Variants in WNK3 observed in about 807,000 individuals in gnomAD.
WNK3 encodes the protein serine/threonine-protein kinase WNK3.
WNK3 carries 18 observed loss-of-function variants against 116.7 expected under a neutral mutation model. The observed-to-expected ratio is 0.15, with a 90% CI of 0.11 to 0.23. The LOEUF (loss-of-function observed/expected upper bound fraction) is 0.23. Ranked by LOEUF, WNK3 falls within the 10% of genes least tolerant of loss-of-function variation. The pLI is 1.00. For missense variants in WNK3, 993 were observed against 1,323.8 expected, an observed-to-expected ratio of 0.75 and a Z score of 3.88; for synonymous variants, 404 against 469.4, an observed-to-expected ratio of 0.86 and a Z score of 1.80.
At chrX:54,226,168 T>C (rs1243450511) in intron 22 of WNK3, among the ~76,000 whole-genome samples, 2 of 101,316 alleles carry the variant, frequency 2.0e-5, no homozygotes, top group Non-Finnish European at 4.0e-5. Flanking sequence ...TAACTCATAA[T>C]GGATCAAAGA....
chrX:54,314,200 A>C (rs1244232366), intron 2 of WNK3, among the ~76,000 whole-genome samples: 15 of 107,718 alleles, frequency 1.4e-4, no homozygotes, highest in East Asian at 8.8e-4. Flanking sequence ...CTCAAAAAAA[A>C]AAACAAAAAA....
chrX:54,248,444 A>T lies in WNK3; in HGVS notation c.3651+253T>A, dbSNP rs1055065120. Among the ~76,000 whole-genome samples the T allele has an allele frequency of 2.7e-5, 3 of 111,221 alleles. No homozygotes were observed. The Admixed American group carries it at 2.9e-4, about 11-fold the overall frequency. On this transcript the variant is annotated intron_variant, in intron 17 of 23. Coordinates refer to ENST00000354646, the Ensembl canonical transcript of WNK3. Reference sequence around the variant, plus strand: ...TGAGTCAGTTTTCATTCTGTCATTAATACAAATATAGACACTGCTTGCAAG... The same window carrying T: ...TGAGTCAGTTTTCATTCTGTCATTATTACAAATATAGACACTGCTTGCAAG...
intron 10 of WNK3, among the ~76,000 whole-genome samples, chrX:54,276,169 G>A (rs1388079884): frequency 9.1e-6 from 1 of 110,044 alleles, no homozygotes; most frequent in Non-Finnish European, 1.9e-5. Flanking sequence ...GCAGAAACTC[G>A]TCTCTACTAA....
At position 54,305,180 on chromosome X, in the gene WNK3, A is replaced by G. The variant is rs182046335; in HGVS notation, c.1089+2742T>C. ...ACAAAACAAAACAAAACAGAGCAAA[A>G]AAAAGCCAAAGCAATAAATACTGAA... On this transcript the variant is annotated intron_variant, in intron 5 of 23. Transcript: ENST00000354646. 2.7e-5 allele frequency among the ~76,000 whole-genome samples: 3 copies of G among 110,659 alleles called. No individual in the cohort carries two copies. The East Asian group carries it at 8.5e-4, about 31-fold the overall frequency.
At chrX:54,321,324 G>A (rs1398316986) in intron 2 of WNK3, among the ~76,000 whole-genome samples, 1 of 111,879 alleles carries the variant, frequency 8.9e-6, no homozygotes, top group Non-Finnish European at 1.9e-5. Context: ...TAAGGCTCCA[G>A]TTAAACTATC....
chrX:54,224,367 A>C (rs551452057), intron 22 of WNK3, among the ~76,000 whole-genome samples: 2 of 108,660 alleles, frequency 1.8e-5, no homozygotes, highest in East Asian at 5.8e-4. Flanking sequence ...AAAAAAAAAA[A>C]CACCTTCCCA....
intron 22 of WNK3, among the ~76,000 whole-genome samples, chrX:54,209,515 C>T (rs2067589930): frequency 9.7e-6 from 1 of 103,361 alleles, no homozygotes; most frequent in Admixed American, 1.1e-4. Context: ...TAATTGTGGG[C>T]AGGGAAGGAT....
intron 4 of WNK3, among the ~76,000 whole-genome samples, chrX:54,308,531 C>A (rs1425954189): frequency 8.9e-6 from 1 of 111,770 alleles, no homozygotes; most frequent in Non-Finnish European, 1.9e-5. Context: ...TTTGCTATAT[C>A]TACATAAAGC....
At chrX:54,198,675 A>G in intron 23 of WNK3, 22 bp from the exon 24 acceptor site, 1 of 1,081,168 alleles carries the variant, frequency 9.2e-7, no homozygotes, top group Non-Finnish European at 1.2e-6. Flanking sequence ...AAAAATAAAA[A>G]CAAAAGATCA....
At chrX:54,292,287 GAAT>G (rs1432296810) in intron 10 of WNK3, among the ~76,000 whole-genome samples, 1 of 111,652 alleles carries the variant, frequency 9.0e-6, no homozygotes, top group East Asian at 2.8e-4. Flanking sequence ...AAATAATCAT[GAAT>G]AAGAGGAAGA....
intron 13 of WNK3, among the ~76,000 whole-genome samples, chrX:54,252,733 G>A (rs782595343): frequency 2.8e-4 from 30 of 108,826 alleles, no homozygotes; most frequent in African/African-American, 1.0e-3. Context: ...TGAAAAGAAT[G>A]AAAGAAGAGA....
intron 22 of WNK3, chrX:54,224,076 A>G (rs782039226): frequency 7.2e-4 from 85 of 118,094 alleles, no homozygotes; most frequent in Non-Finnish European, 1.2e-3. Flanking sequence ...CCCATTGGCC[A>G]GGCGCAGTGG....
At chrX:54,225,166 G>C (rs1429006641) in intron 22 of WNK3, among the ~76,000 whole-genome samples, 1 of 108,537 alleles carries the variant, frequency 9.2e-6, no homozygotes, top group African/African-American at 3.3e-5. Flanking sequence ...AAGATCACTT[G>C]AGTGAGACCA....
At chrX:54,221,320 G>A (rs1041187863) in intron 22 of WNK3, among the ~76,000 whole-genome samples, 1 of 111,941 alleles carries the variant, frequency 8.9e-6, no homozygotes, top group African/African-American at 3.2e-5. Context: ...CAGTATAAAT[G>A]TACTTTGTAT....
At chrX:54,307,123 A>G (rs2068834659) in intron 5 of WNK3, among the ~76,000 whole-genome samples, 1 of 106,732 alleles carries the variant, frequency 9.4e-6, no homozygotes, top group Non-Finnish European at 1.9e-5. Flanking sequence ...GCTATTTGGG[A>G]GGCTGAGGCA....
chrX:54,330,407 A>G (rs1459391717), intron 2 of WNK3, among the ~76,000 whole-genome samples: 1 of 110,522 alleles, frequency 9.0e-6, no homozygotes, highest in Non-Finnish European at 1.9e-5. Flanking sequence ...AAAAAACACT[A>G]TTACCTGAGT....
At chrX:54,198,055 G>A (rs1305970925) in exon 24 of WNK3, 8 of 235,530 alleles carry the variant, frequency 3.4e-5, no homozygotes, top group Non-Finnish European at 6.0e-5. Context: ...AAAGCATTCT[G>A]AACAGTATTT....
chrX:54,287,193 T>C (rs1223694810), intron 10 of WNK3, among the ~76,000 whole-genome samples: 4 of 111,698 alleles, frequency 3.6e-5, no homozygotes, highest in Non-Finnish European at 7.5e-5. Flanking sequence ...GGGATAGTAT[T>C]TGGCAATAAG....
At chrX:54,354,537 C>T (rs1364424715) in intron 1 of WNK3, among the ~76,000 whole-genome samples, 2 of 110,017 alleles carry the variant, frequency 1.8e-5, no homozygotes, top group African/African-American at 3.3e-5. Flanking sequence ...GTCAGGGAGG[C>T]GGAAGGAGGG....
Sources: allele counts gnomAD v4.1 joint callset (sites outside exome capture counted in the v4.1 genomes callset), GRCh38; gene constraint gnomAD v4.1.1; transcripts MANE v1.5; gene names NCBI Gene and HGNC (gene_info 2026-07-23, HGNC 2026-07-21).